SNX8: variants seen among roughly 807,000 people sequenced by gnomAD.
SNX8 encodes the protein sorting nexin 8, also known as sorting nexin-8.
SNX8 carries 25 observed loss-of-function variants against 51.6 expected under a neutral mutation model. The ratio of observed to expected loss-of-function variants is 0.48; its 90% CI spans 0.35 to 0.68. SNX8 has a LOEUF of 0.68. Ranked by LOEUF, SNX8 falls within the 30% of genes least tolerant of loss-of-function variation. SNX8 has a pLI of 0.00. For synonymous variants in SNX8, 324 were observed against 277.0 expected (o/e 1.17, Z -1.68); for missense variants, 695 against 624.0 (o/e 1.11, Z -1.21).
rs544129749 is a variant in SNX8, at chr7:2,255,245, C to T, written c.1285-76G>A. The T allele has an allele frequency of 2.0e-3, 1,930 of 955,912 alleles. 6 individuals carry two copies. The highest frequency in any genetic ancestry group is 2.4e-3 in the Non-Finnish European group (1,559 of 655,898). The allele number at this position is 955,912 out of a possible 1,614,324, so 59.2% of individuals were successfully genotyped here. ...CCTCACGCTCTGATCCCAGTTCCTT[C>T]GCCTGCCAGTGACAGGGAGGGAGGG... On this transcript the variant is annotated intron_variant, in intron 10 of 10. Coordinates refer to ENST00000222990, the MANE Select transcript of SNX8 (RefSeq NM_013321.4).
chr7:2,289,154 G>A (rs1480709755), intron 1 of SNX8, among the ~76,000 whole-genome samples: 3 of 152,168 alleles, frequency 2.0e-5, no homozygotes, highest in Admixed American at 1.3e-4. Context: ...GGCTGCCCCT[G>A]TGGTGGGCGC....
chr7:2,299,589 G>A (rs957639831), intron 1 of SNX8, among the ~76,000 whole-genome samples: 4 of 152,138 alleles, frequency 2.6e-5, no homozygotes, highest in African/African-American at 9.7e-5. Flanking sequence ...GGGGAATCTT[G>A]GAATAACCTA....
intron 1 of SNX8, among the ~76,000 whole-genome samples, chr7:2,345,534 C>T (rs551189695): frequency 6.6e-5 from 10 of 151,784 alleles, no homozygotes; most frequent in South Asian, 2.1e-4. Flanking sequence ...CAAAATTAGC[C>T]GGGCCTGCTG....
chr7:2,282,700 G>A (rs1455611044), intron 1 of SNX8, among the ~76,000 whole-genome samples: 2 of 152,210 alleles, frequency 1.3e-5, no homozygotes, highest in East Asian at 1.9e-4. Context: ...GGATTGGCCG[G>A]GCGCAGTGGC....
At position 2,303,262 on chromosome 7, in the gene SNX8, G is replaced by A. The variant is rs554869306; in HGVS notation, c.94+11066C>T. Among the ~76,000 whole-genome samples, 272 of 144,470 alleles carry A rather than the reference G, an allele frequency of 1.9e-3. 1 individual carries two copies. The highest frequency in any genetic ancestry group is 7.0e-3 in the African/African-American group (257 of 36,628). The allele number at this position is 144,470 out of a possible 152,430, so 94.8% of individuals were successfully genotyped here. ...GGGTCAGCCCCCCGCCCGGCCAGCCGCCCCGTCCGGGAGGGAGGTGGGGGG... is the reference window on the plus strand; with the variant it reads ...GGGTCAGCCCCCCGCCCGGCCAGCCACCCCGTCCGGGAGGGAGGTGGGGGG... On this transcript the variant is annotated intron_variant, in intron 1 of 10. Transcript: ENST00000222990.
intron 1 of SNX8, among the ~76,000 whole-genome samples, chr7:2,321,252 A>T (rs1778505106): frequency 6.6e-6 from 1 of 151,988 alleles, no homozygotes; most frequent in South Asian, 2.1e-4. Context: ...TCTAATCCAG[A>T]ATGCCGACAG....
intron 1 of SNX8, among the ~76,000 whole-genome samples, chr7:2,331,582 G>A (rs1562460562): frequency 6.6e-6 from 1 of 151,944 alleles, no homozygotes; most frequent in Non-Finnish European, 1.5e-5. Flanking sequence ...GCAGGCGGCT[G>A]TAATACCAGC....
At chr7:2,331,442 C>T (rs2115235741) in intron 1 of SNX8, among the ~76,000 whole-genome samples, 1 of 152,102 alleles carries the variant, frequency 6.6e-6, no homozygotes, top group South Asian at 2.1e-4. Flanking sequence ...CGCGGTGGCT[C>T]ATGCCTGTAA....
intron 1 of SNX8, among the ~76,000 whole-genome samples, chr7:2,309,064 C>G (rs1796609640): frequency 6.6e-6 from 1 of 151,324 alleles, no homozygotes. Flanking sequence ...GCTGGGATTA[C>G]AGGCGTGAAC....
intron 5 of SNX8, among the ~76,000 whole-genome samples, chr7:2,265,124 T>C (rs1220025971): frequency 6.6e-6 from 1 of 151,918 alleles, no homozygotes. Flanking sequence ...GGAGGCCGAG[T>C]AGGGCGAATC....
intron 1 of SNX8, among the ~76,000 whole-genome samples, chr7:2,302,358 C>T (rs1482738923): frequency 3.3e-5 from 5 of 152,260 alleles, no homozygotes; most frequent in Non-Finnish European, 1.5e-5. Context: ...CCAGCCTCGG[C>T]CTCCCGAGGT....
At chr7:2,332,992 G>A (rs969230734) in intron 1 of SNX8, among the ~76,000 whole-genome samples, 1 of 152,082 alleles carries the variant, frequency 6.6e-6, no homozygotes, top group Admixed American at 6.6e-5. Context: ...GTAGTAAGCT[G>A]GGCACAGTGG....
chr7:2,314,484 G>A (rs1796722675), upstream of SNX8: 1 of 1,175,292 alleles, frequency 8.5e-7, no homozygotes, highest in Non-Finnish European at 1.1e-6. Context: ...CTGCCGCGCC[G>A]CGCCCTCGCC....
chr7:2,307,365 G>A (rs1796565801), intron 1 of SNX8, among the ~76,000 whole-genome samples: 1 of 151,952 alleles, frequency 6.6e-6, no homozygotes, highest in South Asian at 2.1e-4. Context: ...AGGTGCAGTG[G>A]CTCACGCCTG....
chr7:2,347,379 G>A (rs1463217967), intron 1 of SNX8, among the ~76,000 whole-genome samples: 3 of 151,042 alleles, frequency 2.0e-5, no homozygotes, highest in Middle Eastern at 6.9e-3. Context: ...TCCTCAGGAG[G>A]CTGAGACAGG....
intron 1 of SNX8, among the ~76,000 whole-genome samples, chr7:2,289,377 A>G (rs1796101976): frequency 6.6e-6 from 1 of 152,142 alleles, no homozygotes; most frequent in South Asian, 2.1e-4. Flanking sequence ...AGCTTGGTAA[A>G]TATTTCAGTT....
chr7:2,254,853 CAGGGCGA>C lies in SNX8; in HGVS notation c.*196_*202del. The C allele has an allele frequency of 1.7e-6, 1 of 598,280 alleles. No homozygotes were observed. Among genetic ancestry groups the C allele is most frequent in the East Asian group, 2.8e-5 (1 of 35,218 alleles). 37.1% of individuals were successfully genotyped at this position (598,280 alleles called of 1,614,324 possible). A position where few individuals can be genotyped will look rare whatever the true frequency, so the allele number is the denominator to read the frequency against. On this transcript the variant is annotated 3_prime_UTR_variant, in exon 11 of 11. Coordinates refer to ENST00000222990, the MANE Select transcript of SNX8 (RefSeq NM_013321.4). ...CTCTCTCGACCAGGCTAGCAGGCCA[CAGGGCGA>C]AGGACAGTGTGGCCCAGCTGCCCCC... is the stretch of plus-strand genomic sequence containing the variant.
At chr7:2,340,303 C>A (rs1393887379) in intron 1 of SNX8, among the ~76,000 whole-genome samples, 1 of 150,638 alleles carries the variant, frequency 6.6e-6, no homozygotes, top group Non-Finnish European at 1.5e-5. Flanking sequence ...AACTCCCGAC[C>A]TCACGTGATC....
At chr7:2,298,329 G>C (rs998321825) in intron 1 of SNX8, among the ~76,000 whole-genome samples, 51 of 152,130 alleles carry the variant, frequency 3.4e-4, no homozygotes, top group Admixed American at 1.1e-3. Flanking sequence ...ATGGTGCCCA[G>C]GCTCTGAACT....
Sources: allele counts gnomAD v4.1 joint callset (sites outside exome capture counted in the v4.1 genomes callset), GRCh38; gene constraint gnomAD v4.1.1; transcripts MANE v1.5; gene names NCBI Gene and HGNC (gene_info 2026-07-23, HGNC 2026-07-21).